The following CRCP variants were observed in gnomAD, a reference collection of about 807,000 sequenced individuals.
CRCP encodes the protein CGRP receptor component, also known as DNA-directed RNA polymerase III subunit RPC9.
CRCP carries 18 observed loss-of-function variants against 18.5 expected under a neutral mutation model. The observed-to-expected ratio is 0.97, with a 90% CI of 0.67 to 1.44. The LOEUF (loss-of-function observed/expected upper bound fraction) is 1.44, where lower values mean the gene tolerates loss of function less well. Ranked by LOEUF, CRCP falls within the 40% of genes most tolerant of loss-of-function variation. CRCP has a pLI of 0.00. For synonymous variants in CRCP, 53 were observed against 62.9 expected, an observed-to-expected ratio of 0.84 and a Z score of 0.75; for missense variants, 130 against 176.4, an observed-to-expected ratio of 0.74 and a Z score of 1.49.
chr7:66,118,970 A>G (rs1039219070), intron 1 of CRCP, among the ~76,000 whole-genome samples: 1 of 152,158 alleles, frequency 6.6e-6, no homozygotes, highest in Non-Finnish European at 1.5e-5. Flanking sequence ...CTTGCCCTCT[A>G]ATCATCCCCT....
chr7:66,125,084 A>G (rs1407145296), intron 1 of CRCP, among the ~76,000 whole-genome samples: 2 of 149,364 alleles, frequency 1.3e-5, no homozygotes, highest in Non-Finnish European at 3.0e-5. Flanking sequence ...GTTGTTTTGA[A>G]GACTGTTCCT....
chr7:66,120,488 A>G (rs1162216671), intron 1 of CRCP: 1 of 151,932 alleles, frequency 6.6e-6, no homozygotes, highest in Non-Finnish European at 1.5e-5. Context: ...TGAGATAGAC[A>G]TGTGATTTGG....
At chr7:66,148,954 G>A (rs1369871319) in intron 5 of CRCP, among the ~76,000 whole-genome samples, 2 of 152,180 alleles carry the variant, frequency 1.3e-5, no homozygotes, top group African/African-American at 4.8e-5. Flanking sequence ...AGTATACATT[G>A]TTGCTATCAG....
intron 4 of CRCP, among the ~76,000 whole-genome samples, chr7:66,135,700 A>G (rs1787951261): frequency 6.6e-6 from 1 of 152,164 alleles, no homozygotes; most frequent in South Asian, 2.1e-4. Flanking sequence ...AGGTGGGTGG[A>G]TCACCTGAGG....
At chr7:66,131,701 A>C (rs937168669) in intron 3 of CRCP, among the ~76,000 whole-genome samples, 1 of 152,186 alleles carries the variant, frequency 6.6e-6, no homozygotes, top group Non-Finnish European at 1.5e-5. Context: ...CTGTGTAATC[A>C]TGAGAAAGCA....
At chr7:66,127,153 T>C (rs1402248355) in intron 1 of CRCP, among the ~76,000 whole-genome samples, 2 of 152,218 alleles carry the variant, frequency 1.3e-5, no homozygotes, top group Admixed American at 1.3e-4. Flanking sequence ...TGATATGCTA[T>C]TGTAGAGTGG....
At chr7:66,129,017 A>G (rs1787703460) in intron 2 of CRCP, among the ~76,000 whole-genome samples, 1 of 152,036 alleles carries the variant, frequency 6.6e-6, no homozygotes, top group African/African-American at 2.4e-5. Context: ...TGGGAAACCT[A>G]GCAAGACCCC....
chr7:66,129,253 A>C (rs1374073278), intron 2 of CRCP, among the ~76,000 whole-genome samples: 4 of 152,324 alleles, frequency 2.6e-5, no homozygotes, highest in African/African-American at 9.6e-5. Flanking sequence ...GAATGGCGTG[A>C]ACCCGGGGGG....
chr7:66,126,564 A>G, intron 1 of CRCP: 1 of 386,566 alleles, frequency 2.6e-6, no homozygotes, highest in Non-Finnish European at 5.2e-6. Context: ...TCATACGAAT[A>G]GCTCCTACAT....
intron 3 of CRCP, among the ~76,000 whole-genome samples, chr7:66,131,993 T>C (rs1287291053): frequency 6.6e-6 from 1 of 152,250 alleles, no homozygotes; most frequent in Non-Finnish European, 1.5e-5. Flanking sequence ...ACTCCCGACC[T>C]CATGTGATCC....
At position 66,134,278 on chromosome 7, in the gene CRCP, A is replaced by G. The variant is rs1267599381; in HGVS notation, c.145-2A>G. 2 of 1,547,374 alleles carry G rather than the reference A, an allele frequency of 1.3e-6. No homozygotes were observed. Among genetic ancestry groups the G allele is most frequent in the Non-Finnish European group, 1.7e-6 (2 of 1,147,682 alleles). On this transcript the variant is annotated splice_acceptor_variant, in intron 3 of 5. Transcript: ENST00000395326. LOFTEE classifies it high-confidence loss of function. ...TTTTTTCTTTTTTTTTTTTTTTGCC[A>G]GACGTTAAAATACATATCAAAAACA...
At chr7:66,137,387 C>T (rs750118751) in intron 4 of CRCP, among the ~76,000 whole-genome samples, 2 of 151,924 alleles carry the variant, frequency 1.3e-5, no homozygotes, top group African/African-American at 2.4e-5. Context: ...TGCAGAAAGT[C>T]GTGGTATTTG....
chr7:66,146,158 G>A (rs929636476), intron 5 of CRCP, among the ~76,000 whole-genome samples: 2 of 152,050 alleles, frequency 1.3e-5, no homozygotes, highest in East Asian at 3.9e-4. Context: ...CCACATCACC[G>A]TCAGAGATCA....
In CRCP at chr7:66,145,364, A is replaced by G. The variant is rs1355332323; in HGVS notation, c.240-79A>G. On this transcript the variant is annotated intron_variant, in intron 4 of 5. Transcript: ENST00000395326. ...TGGTTCTCCCATTTTTTATCTGGCAAATTATTCTCTGTGCAGCTCAGTCAG... is the reference window on the plus strand; with the variant it reads ...TGGTTCTCCCATTTTTTATCTGGCAGATTATTCTCTGTGCAGCTCAGTCAG... The G allele has an allele frequency of 2.1e-6, 3 of 1,459,270 alleles. No homozygotes were observed. The African/African-American group carries it at 4.2e-5, about 20-fold the overall frequency. 90.4% of individuals were successfully genotyped at this position (1,459,270 alleles called of 1,614,324 possible). A position where few individuals can be genotyped will look rare whatever the true frequency, so the allele number is the denominator to read the frequency against.
At chr7:66,137,123 T>TA (rs1309549150) in intron 4 of CRCP, among the ~76,000 whole-genome samples, 6 of 149,500 alleles carry the variant, frequency 4.0e-5, no homozygotes, top group South Asian at 2.1e-4. Context: ...AGTCAAAGGT[T>TA]AAAAAAAAAC....
intron 4 of CRCP, 171 bp downstream of exon 4, chr7:66,134,545 CT>C (rs56013238): frequency 0.58 from 167,569 of 290,544 alleles, 37,044 homozygotes; most frequent in African/African-American, 0.76. Flanking sequence ...AGGAACAAAT[CT>C]TTTTTTTTTT....
Position 66,153,055 on chromosome 7 carries a change from G to T in CRCP, c.*698G>T, listed in dbSNP as rs889432655. On this transcript the variant is annotated 3_prime_UTR_variant, in exon 6 of 6. Coordinates refer to ENST00000395326, the MANE Select transcript of CRCP (RefSeq NM_014478.5). ...GCCTTTCTGACCACCCCACTTTCCT[G>T]CCCTGAGACAGCAGCCCAGGGCAGG... The T allele has an allele frequency of 2.6e-5, 4 of 152,770 alleles. No homozygotes were observed. Among genetic ancestry groups the T allele is most frequent in the East Asian group, 1.9e-4 (1 of 5,182 alleles). 9.5% of individuals were successfully genotyped at this position (152,770 alleles called of 1,614,324 possible).
chr7:66,129,320 G>T (rs1787717617), intron 2 of CRCP, among the ~76,000 whole-genome samples: 1 of 152,104 alleles, frequency 6.6e-6, no homozygotes, highest in Non-Finnish European at 1.5e-5. Flanking sequence ...GCGACAGCGA[G>T]ACTCCGTCTC....
At chr7:66,133,898 A>T (rs1787889484) in intron 3 of CRCP, among the ~76,000 whole-genome samples, 1 of 133,720 alleles carries the variant, frequency 7.5e-6, no homozygotes, top group Non-Finnish European at 1.5e-5. Flanking sequence ...TCACTCTGTC[A>T]CCCAGGCTGG....
Sources: gnomAD v4.1 joint callset for allele counts (sites outside exome capture counted in the v4.1 genomes callset) on GRCh38, gnomAD v4.1.1 for gene constraint, MANE v1.5 for transcripts, NCBI Gene and HGNC (gene_info 2026-07-23, HGNC 2026-07-21) for gene names.